Variants in OXR1 observed in about 807,000 individuals in gnomAD.
OXR1 encodes the protein oxidation resistance 1.
In OXR1, 41 loss-of-function variants were observed where a neutral mutation model predicts 104.6. That is an observed-to-expected ratio of 0.39 (90% CI 0.31 to 0.51). The LOEUF (loss-of-function observed/expected upper bound fraction) is 0.51, where lower values mean the gene tolerates loss of function less well. OXR1 is among the 20% of genes least tolerant of loss of function. The pLI is 0.77. For synonymous variants in OXR1, 348 were observed against 348.4 expected, an observed-to-expected ratio of 1.00 and a Z score of 0.01; for missense variants, 955 against 1,031.9, an observed-to-expected ratio of 0.93 and a Z score of 1.02.
At chr8:106,631,364 T>C (rs1315700274) in intron 3 of OXR1, among the ~76,000 whole-genome samples, 8 of 152,236 alleles carry the variant, frequency 5.3e-5, no homozygotes, top group Non-Finnish European at 1.2e-4. Context: ...CAGTTCTTGA[T>C]GGCATTAAGT....
intron 7 of OXR1, among the ~76,000 whole-genome samples, chr8:106,694,480 T>C (rs1165768293): frequency 8.8e-6 from 1 of 114,168 alleles, no homozygotes; most frequent in African/African-American, 4.4e-5. Context: ...TATTTATATA[T>C]ATATTTGATA....
intron 11 of OXR1, among the ~76,000 whole-genome samples, chr8:106,735,557 A>T (rs1295190941): frequency 6.6e-6 from 1 of 152,124 alleles, no homozygotes; most frequent in Non-Finnish European, 1.5e-5. Context: ...TAGAATATAG[A>T]TATAAGATAA....
intron 3 of OXR1, among the ~76,000 whole-genome samples, chr8:106,528,839 A>G (rs1308978547): frequency 1.3e-5 from 2 of 152,194 alleles, no homozygotes; most frequent in Admixed American, 1.3e-4. Context: ...AGTCTCTGTG[A>G]TTTAATCAAC....
chr8:106,743,651 G>A (rs1316034062), intron 15 of OXR1, among the ~76,000 whole-genome samples: 2 of 152,160 alleles, frequency 1.3e-5, no homozygotes, highest in Non-Finnish European at 2.9e-5. Flanking sequence ...CTGTTGGTGG[G>A]AGTGTAAATT....
At chr8:106,447,905 G>A in intron 2 of OXR1, 4 of 1,512,194 alleles carry the variant, frequency 2.6e-6, no homozygotes, top group Non-Finnish European at 3.5e-6. Flanking sequence ...GGCTCCTGGC[G>A]GAGGTAGTGG....
chr8:106,498,602 T>A (rs1024841530), intron 2 of OXR1, among the ~76,000 whole-genome samples: 4 of 152,186 alleles, frequency 2.6e-5, no homozygotes, highest in Non-Finnish European at 5.9e-5. Flanking sequence ...TGATTGCATC[T>A]TTATGTTTCA....
intron 1 of OXR1, chr8:106,272,818 A>G (rs1025345132): frequency 2.0e-5 from 3 of 152,142 alleles, no homozygotes; most frequent in Admixed American, 1.3e-4. Context: ...CATTATTATA[A>G]ATCATGTGAA....
At chr8:106,615,848 T>A (rs1473358413) in intron 3 of OXR1, among the ~76,000 whole-genome samples, 1 of 152,052 alleles carries the variant, frequency 6.6e-6, no homozygotes, top group Non-Finnish European at 1.5e-5. Context: ...TCTCCCAGGG[T>A]GGTTGTGTGC....
chr8:106,691,967 G>A (rs1829333280), intron 6 of OXR1, among the ~76,000 whole-genome samples: 1 of 129,620 alleles, frequency 7.7e-6, no homozygotes, highest in African/African-American at 3.6e-5. Flanking sequence ...GTATATATGT[G>A]TGTGTGTGTC....
rs1005894200 is a variant in OXR1 at position 106,359,585 on chromosome 8, G to T, written c.-29G>T. The T allele has an allele frequency of 6.5e-6, 10 of 1,542,430 alleles. No homozygotes were observed. In the African/African-American group the frequency reaches 1.4e-4, roughly 21 times the overall value. The stretch of plus-strand genomic sequence containing the variant: ...CCTGCTAATTTCCTGTTCTGGAATC[G>T]AGAGAAGACTCCTCAACAAGTTGCT... On this transcript the variant is annotated 5_prime_UTR_variant, in exon 2 of 17. Coordinates refer to ENST00000517566, the MANE Select transcript of OXR1 (RefSeq NM_001198533.2).
intron 1 of OXR1, among the ~76,000 whole-genome samples, chr8:106,330,303 A>G (rs1814656784): frequency 6.6e-6 from 1 of 152,258 alleles, no homozygotes; most frequent in South Asian, 2.1e-4. Flanking sequence ...GTTCAGCTTC[A>G]TGGTGGGGTA....
chr8:106,403,042 G>A (rs999375733), intron 2 of OXR1, among the ~76,000 whole-genome samples: 9 of 152,102 alleles, frequency 5.9e-5, no homozygotes, highest in East Asian at 1.9e-4. Flanking sequence ...GGATGGTCTC[G>A]ATCTCCTGAC....
chr8:106,346,097 C>A (rs1815465729), intron 1 of OXR1, among the ~76,000 whole-genome samples: 1 of 128,208 alleles, frequency 7.8e-6, no homozygotes, highest in Non-Finnish European at 1.7e-5. Flanking sequence ...CAGTTTATTC[C>A]ACCCCCCCTA....
intron 1 of OXR1, among the ~76,000 whole-genome samples, chr8:106,292,211 G>A (rs1025445835): frequency 2.0e-5 from 3 of 152,142 alleles, no homozygotes; most frequent in African/African-American, 7.2e-5. Context: ...TGGCCCCAAA[G>A]CACAAGAGTA....
chr8:106,684,918 T>C lies in OXR1; in HGVS notation c.525+559T>C, dbSNP rs554571921. The stretch of plus-strand genomic sequence containing the variant: ...TTTAATAATTTTGATTAAAATCTTC[T>C]GAAAGGAATTATATATTATATATTT... On this transcript the variant is annotated intron_variant, in intron 6 of 16. Coordinates refer to ENST00000517566, the MANE Select transcript of OXR1 (RefSeq NM_001198533.2). Among the ~76,000 whole-genome samples the C allele has an allele frequency of 2.5e-4, 38 of 152,308 alleles. 1 individual carries two copies. The East Asian group carries it at 5.8e-3, about 23-fold the overall frequency.
At chr8:106,409,617 A>G (rs950033215) in intron 2 of OXR1, among the ~76,000 whole-genome samples, 8 of 152,214 alleles carry the variant, frequency 5.3e-5, no homozygotes, top group African/African-American at 1.9e-4. Context: ...AAGGAATGAC[A>G]TCCATGGAAA....
chr8:106,718,835 CCT>C lies in OXR1; in HGVS notation c.1956+4852_1956+4853del, dbSNP rs1010763548. ...GCCTGGGCGACAGAGCGAGACTCCACCTCAAAAAAAAAAAAAAGGAGCTATGC... is the reference window on the plus strand; with the variant it reads ...GCCTGGGCGACAGAGCGAGACTCCACCAAAAAAAAAAAAAAGGAGCTATGC... On this transcript the variant is annotated intron_variant, in intron 11 of 16. Transcript: ENST00000517566. 3.6e-4 allele frequency among the ~76,000 whole-genome samples: 37 copies of C among 101,964 alleles called. No homozygotes were observed. The East Asian group carries it at 8.8e-3, about 24-fold the overall frequency. The allele number at this position is 101,964 out of a possible 152,430, so 66.9% of individuals were successfully genotyped here. A position where few individuals can be genotyped will look rare whatever the true frequency, so the allele number is the denominator to read the frequency against.
At position 106,739,538 on chromosome 8, in the gene OXR1, C is replaced by G; in HGVS notation, c.2118C>G (p.Asn706Lys). The change falls in exon 13 of 17, where the codon AAC becomes AAG. Residue 706 changes from asparagine (N) to lysine (K), a missense_variant. Asn to Lys is a moderately conservative substitution (Grantham distance 94, BLOSUM62 0). Around this residue, in one of 2 missense-constraint regions of OXR1, gnomAD observed 849 missense variants for 852.9 expected, o/e 1.00. Transcript: ENST00000517566. ...TGGAGTCTGAATCTTTTCGACCAAA[C>G]CTAAGTGATCCCAGTGAACTTTTAC... ...ADLESESFRPNLSDPSELLLP... is the reference protein window; with the variant it reads ...ADLESESFRPKLSDPSELLLP... The G allele has an allele frequency of 1.2e-6, 2 of 1,613,392 alleles. No individual in the cohort carries two copies. Among genetic ancestry groups the G allele is most frequent in the South Asian group, 2.2e-5 (2 of 91,072 alleles).
At chr8:106,277,662 G>A (rs1812108791) in intron 1 of OXR1, among the ~76,000 whole-genome samples, 1 of 152,194 alleles carries the variant, frequency 6.6e-6, no homozygotes, top group Non-Finnish European at 1.5e-5. Context: ...AGTTTCCATT[G>A]CAATTTCTTA....
Sources: gnomAD v4.1 joint callset for allele counts (sites outside exome capture counted in the v4.1 genomes callset) on GRCh38, gnomAD v4.1.1 for gene constraint, gnomAD v4.1.1 regional missense constraint, MANE v1.5 for transcripts, NCBI Gene and HGNC (gene_info 2026-07-23, HGNC 2026-07-21) for gene names.